The following DGCR8 variants were observed in gnomAD, a reference collection of about 807,000 sequenced individuals.
The protein encoded by DGCR8 is DGCR8 microprocessor complex subunit, also known as microprocessor complex subunit DGCR8.
Under a neutral mutation model 78.5 loss-of-function variants are expected in DGCR8, and 14 were observed. The ratio of observed to expected loss-of-function variants is 0.18; its 90% CI spans 0.12 to 0.28. DGCR8 has a LOEUF of 0.28. Among genes scored for constraint, DGCR8 ranks in the 10% least tolerant of loss-of-function variants. The probability of loss-of-function intolerance (pLI) is 1.00; values close to 1 mark genes in which losing one functional copy is unlikely to be tolerated. For missense variants in DGCR8, 702 were observed against 1,022.5 expected, an observed-to-expected ratio of 0.69 and a Z score of 4.28; for synonymous variants, 399 against 402.4, an observed-to-expected ratio of 0.99 and a Z score of 0.10.
Position 20,087,350 on chromosome 22 carries a change from G to A in DGCR8, c.880+29G>A. 1.3e-6 allele frequency: 2 copies of A among 1,572,918 alleles called. No individual in the cohort carries two copies. The highest frequency in any genetic ancestry group is 4.6e-5 in the East Asian group (2 of 43,184). ...CGTGTGTGGGTCAGAAGCAGTGGGT[G>A]TTCCAGGGCAGTGGAGGGGTGGTTG... On this transcript the variant is annotated intron_variant, in intron 3 of 13. Coordinates refer to ENST00000351989, the MANE Select transcript of DGCR8 (RefSeq NM_022720.7). The surrounding 1 kb of genome is among the most constrained non-coding windows in gnomAD (Gnocchi z 4.1).
chr22:20,090,436 G>A (rs2049542127), intron 5 of DGCR8, among the ~76,000 whole-genome samples, 178 bp downstream of exon 5: 2 of 152,236 alleles, frequency 1.3e-5, no homozygotes, highest in Non-Finnish European at 2.9e-5. Flanking sequence ...ACCTGCCTGG[G>A]TGCAGCACCC....
chr22:20,095,312 G>T (rs1462806255), intron 9 of DGCR8, among the ~76,000 whole-genome samples: 1 of 152,082 alleles, frequency 6.6e-6, no homozygotes, highest in Non-Finnish European at 1.5e-5. Flanking sequence ...CACCATGTTG[G>T]CCAGGCTGGT....
chr22:20,080,540 G>A, intron 1 of DGCR8, 157 bp downstream of exon 1: 2 of 961,802 alleles, frequency 2.1e-6, no homozygotes, highest in Non-Finnish European at 2.5e-6. Flanking sequence ...GGCCGCGGGC[G>A]GTGGAGAGCG....
intron 8 of DGCR8, among the ~76,000 whole-genome samples, 164 bp downstream of exon 8, chr22:20,093,071 A>C (rs1225468191): frequency 1.3e-5 from 2 of 152,054 alleles, no homozygotes; most frequent in African/African-American, 2.4e-5. Flanking sequence ...TTACATGCTC[A>C]TTGGAAAAGA....
Position 20,086,638 on chromosome 22 carries a change from T to C in DGCR8, c.675T>C (p.Val225=). The change falls in exon 2 of 14, where the codon GTT becomes GTC. Residue 225 remains valine (V), a synonymous_variant. Transcript: ENST00000351989. This position sits in a 1 kb window ranked among gnomAD's most constrained non-coding sequence, Gnocchi z 6.4. ...GAGGFTAKAI[V]QRDRVDEEAL... is the part of the protein sequence containing the mutation. ...GCGGGTTCACGGCTAAAGCAATCGTTCAGAGAGACAGAGTGGATGAAGAGG... is the reference window on the plus strand; with the variant it reads ...GCGGGTTCACGGCTAAAGCAATCGTCCAGAGAGACAGAGTGGATGAAGAGG... The C allele has an allele frequency of 6.2e-7, 1 of 1,611,532 alleles. No homozygotes were observed. The highest frequency in any genetic ancestry group is 8.5e-7 in the Non-Finnish European group (1 of 1,179,858).
chr22:20,081,730 A>G lies in DGCR8; in HGVS notation c.-278+1347A>G, dbSNP rs1010699812. ...GATTTCCAGCCTGGTGTTTCTGGCC[A>G]CCTCTTCCATATCTCCATGTGTTAC... On this transcript the variant is annotated intron_variant, in intron 1 of 13. Coordinates refer to ENST00000351989, the MANE Select transcript of DGCR8 (RefSeq NM_022720.7). 2.0e-5 allele frequency among the ~76,000 whole-genome samples: 3 copies of G among 152,088 alleles called. No individual in the cohort carries two copies. The South Asian group carries it at 6.2e-4, about 32-fold the overall frequency.
chr22:20,094,535 G>A (rs1020654605), intron 8 of DGCR8, among the ~76,000 whole-genome samples, 178 bp from the exon 9 acceptor site: 1 of 152,204 alleles, frequency 6.6e-6, no homozygotes, highest in Non-Finnish European at 1.5e-5. Context: ...CCTGCCACAC[G>A]TCTGGGCTTT....
intron 3 of DGCR8, among the ~76,000 whole-genome samples, chr22:20,088,870 C>T (rs1476223614): frequency 6.6e-6 from 1 of 152,082 alleles, no homozygotes; most frequent in Non-Finnish European, 1.5e-5. Context: ...ACAGCCTCAG[C>T]CTCCCAGGCT....
chr22:20,095,775 C>T (rs561046179), intron 9 of DGCR8, among the ~76,000 whole-genome samples: 4 of 152,080 alleles, frequency 2.6e-5, no homozygotes, highest in African/African-American at 7.2e-5. Flanking sequence ...AATCACTATA[C>T]AACTCACCAT....
At chr22:20,092,188 C>T (rs1205170237) in intron 7 of DGCR8, among the ~76,000 whole-genome samples, 1 of 152,172 alleles carries the variant, frequency 6.6e-6, no homozygotes, top group Non-Finnish European at 1.5e-5. Flanking sequence ...GTCCCCTCTC[C>T]CCACCTTCCT....
intron 9 of DGCR8, chr22:20,100,952 G>T (rs1326689958): frequency 3.5e-6 from 2 of 575,060 alleles, no homozygotes; most frequent in Non-Finnish European, 4.4e-6. Context: ...CCCTCCTCGT[G>T]CTTGGAAATT....
Position 20,107,627 on chromosome 22 carries a change from C to T in DGCR8, c.2124+229C>T, listed in dbSNP as rs1418516251. On this transcript the variant is annotated intron_variant, in intron 12 of 13. Coordinates refer to ENST00000351989, the MANE Select transcript of DGCR8 (RefSeq NM_022720.7). ...AGTGAAGTGTGGGTGATTGGGAACG[C>T]AGGCTGGGCCCAGCTATGTGGCTTG... is the stretch of plus-strand genomic sequence containing the variant. 8 of 557,250 alleles carry T rather than the reference C, an allele frequency of 1.4e-5. No homozygotes were observed. In the Admixed American group the frequency reaches 2.5e-4, roughly 17 times the overall value. The allele number at this position is 557,250 out of a possible 1,614,324, so 34.5% of individuals were successfully genotyped here. A position where few individuals can be genotyped will look rare whatever the true frequency, so the allele number is the denominator to read the frequency against.
At chr22:20,083,881 T>C (rs927064940) in intron 1 of DGCR8, among the ~76,000 whole-genome samples, 7 of 152,230 alleles carry the variant, frequency 4.6e-5, no homozygotes, top group Admixed American at 4.6e-4. Flanking sequence ...CCACAGCCTC[T>C]TGAGCGTCTT....
Position 20,085,693 on chromosome 22 carries a change from G to A in DGCR8, c.-271G>A. 3.1e-6 allele frequency: 4 copies of A among 1,292,738 alleles called. No individual in the cohort carries two copies. The highest frequency in any genetic ancestry group is 2.8e-5 in the South Asian group (1 of 35,392). 80.1% of individuals were successfully genotyped at this position (1,292,738 alleles called of 1,614,324 possible). On this transcript the variant is annotated 5_prime_UTR_variant, in exon 2 of 14. Coordinates refer to ENST00000351989, the MANE Select transcript of DGCR8 (RefSeq NM_022720.7). The surrounding 1 kb of genome is among the most constrained non-coding windows in gnomAD (Gnocchi z 6.2). Reference sequence around the variant, plus strand: ...TTTTTAAATTTCTTTGCAGGTAGAAGAAGAAAGGTGCCACTCCGGCATGAA... The same window carrying A: ...TTTTTAAATTTCTTTGCAGGTAGAAAAAGAAAGGTGCCACTCCGGCATGAA...
In DGCR8 at chr22:20,086,477, G is replaced by A. The variant is rs555922599; in HGVS notation, c.514G>A (p.Val172Ile). The A allele has an allele frequency of 1.2e-6, 2 of 1,614,052 alleles. No individual in the cohort carries two copies. Among genetic ancestry groups the A allele is most frequent in the East Asian group, 2.2e-5 (1 of 44,868 alleles). ...CPFGGSVGDGVGIGGESADKK... is the reference protein window; with the variant it reads ...CPFGGSVGDGIGIGGESADKK... Reference sequence around the variant, plus strand: ...CTTTGGCGGGAGTGTTGGTGACGGGGTAGGCATAGGGGGTGAGAGTGCTGA... The same window carrying A: ...CTTTGGCGGGAGTGTTGGTGACGGGATAGGCATAGGGGGTGAGAGTGCTGA... Residue 172 changes from valine to isoleucine, a missense_variant, in exon 2 of 14, where the codon GTA becomes ATA. Val to Ile is a conservative substitution (Grantham distance 29, BLOSUM62 3). Coordinates refer to ENST00000351989, the MANE Select transcript of DGCR8 (RefSeq NM_022720.7). This position sits in a 1 kb window ranked among gnomAD's most constrained non-coding sequence, Gnocchi z 6.4.
In DGCR8 at chr22:20,087,426, G is replaced by A. The variant is rs1469131942; in HGVS notation, c.880+105G>A. On this transcript the variant is annotated intron_variant, in intron 3 of 13. Transcript: ENST00000351989. The surrounding 1 kb of genome is among the most constrained non-coding windows in gnomAD (Gnocchi z 4.1). Reference sequence around the variant, plus strand: ...GAGCTCTGGTGCCAGGTAGTGGGCTGGGTGGAGGCATGTTTGAGGACAGGA... The same window carrying A: ...GAGCTCTGGTGCCAGGTAGTGGGCTAGGTGGAGGCATGTTTGAGGACAGGA... 3 of 1,332,532 alleles carry A rather than the reference G, an allele frequency of 2.3e-6. No individual in the cohort carries two copies. The highest frequency in any genetic ancestry group is 3.1e-6 in the Non-Finnish European group (3 of 981,918). 82.5% of individuals were successfully genotyped at this position (1,332,532 alleles called of 1,614,324 possible).
chr22:20,088,833 C>T (rs1033124564), intron 3 of DGCR8, among the ~76,000 whole-genome samples: 1 of 151,948 alleles, frequency 6.6e-6, no homozygotes, highest in East Asian at 1.9e-4. Context: ...CGGGGTCTTG[C>T]TGTTACCCAG....
intron 13 of DGCR8, 39 bp downstream of exon 13, chr22:20,109,042 C>A (rs372797334): frequency 7.6e-5 from 84 of 1,104,358 alleles, no homozygotes; most frequent in Non-Finnish European, 1.1e-4. Context: ...CGGGCCACGG[C>A]CATTCCTGTG....
intron 1 of DGCR8, among the ~76,000 whole-genome samples, chr22:20,084,106 C>A (rs981717300): frequency 4.6e-5 from 7 of 152,172 alleles, no homozygotes; most frequent in African/African-American, 1.7e-4. Context: ...CCATATAGTG[C>A]GTTCCTCGGA....
Sources: allele counts gnomAD v4.1 joint callset (sites outside exome capture counted in the v4.1 genomes callset), GRCh38; gene constraint gnomAD v4.1.1; non-coding constraint Gnocchi (gnomAD v3.1); transcripts MANE v1.5; gene names NCBI Gene and HGNC (gene_info 2026-07-23, HGNC 2026-07-21).